Variants in CIZ1 observed in about 807,000 individuals in gnomAD.
CIZ1 encodes cip1-interacting zinc finger protein.
Under a neutral mutation model 118.6 loss-of-function variants are expected in CIZ1, and 58 were observed. The observed-to-expected ratio is 0.49, with a 90% CI of 0.40 to 0.61. The LOEUF is 0.61. Ranked by LOEUF, CIZ1 falls within the 20% of genes least tolerant of loss-of-function variation. The pLI is 0.00. For synonymous variants in CIZ1, 448 were observed against 443.4 expected (o/e 1.01, Z -0.13); for missense variants, 921 against 1,115.9 (o/e 0.83, Z 2.49).
At position 128,179,858 on chromosome 9, in the gene CIZ1, G is replaced by C. The variant is rs10987910; in HGVS notation, c.792-443C>G. ...CAGCTAATTTTGTACTTTTAGTAGA[G>C]ACGGGGTTTCTCCATGTTGGTCAGG... is the stretch of plus-strand genomic sequence containing the variant. On this transcript the variant is annotated intron_variant, in intron 7 of 16. Coordinates refer to ENST00000372938, the MANE Select transcript of CIZ1 (RefSeq NM_001131016.2). 2.1e-3 allele frequency among the ~76,000 whole-genome samples: 325 copies of C among 151,958 alleles called. 8 individuals are homozygous for C. The East Asian group carries it at 0.04, about 19-fold the overall frequency.
chr9:128,181,805 G>T (rs1831681304), intron 5 of CIZ1, among the ~76,000 whole-genome samples: 1 of 150,142 alleles, frequency 6.7e-6, no homozygotes, highest in Non-Finnish European at 1.5e-5. Context: ...AGGGAGTTTA[G>T]AGAAGACTCT....
chr9:128,166,798 G>A lies in CIZ1; in HGVS notation c.2448C>T (p.Leu816=). 6.2e-7 allele frequency: 1 copy of A among 1,614,190 alleles called. No individual in the cohort carries two copies. The highest frequency in any genetic ancestry group is 8.5e-7 in the Non-Finnish European group (1 of 1,180,006). Residue 816 remains leucine (L), a synonymous_variant, in exon 16 of 17, where the codon CTC becomes CTT. Coordinates refer to ENST00000372938, the MANE Select transcript of CIZ1 (RefSeq NM_001131016.2). This position sits in a 1 kb window ranked among gnomAD's most constrained non-coding sequence, Gnocchi z 4.4. Reference sequence around the variant, plus strand: ...AGTGGCCCAGGGACTTGCAGTGGGAGAGCTGTGCCCCTGAGTTGCTGTGAT... The same window carrying A: ...AGTGGCCCAGGGACTTGCAGTGGGAAAGCTGTGCCCCTGAGTTGCTGTGAT... ...KFYHSNSGAQ[L]SHCKSLGHFE...
intron 2 of CIZ1, 99 bp from the exon 3 acceptor site, chr9:128,190,543 A>T: frequency 1.5e-6 from 2 of 1,338,658 alleles, no homozygotes; most frequent in Non-Finnish European, 1.0e-6. Flanking sequence ...ACTCTGTGGT[A>T]GACAGAGGAC....
At chr9:128,188,770 T>TAA (rs1832760653) in intron 3 of CIZ1, among the ~76,000 whole-genome samples, 1 of 151,772 alleles carries the variant, frequency 6.6e-6, no homozygotes, top group Non-Finnish European at 1.5e-5. Flanking sequence ...GTAGCTGGGA[T>TAA]TACAGGCGCA....
At chr9:128,171,913 A>G (rs866106742) in intron 11 of CIZ1, among the ~76,000 whole-genome samples, 1 of 152,014 alleles carries the variant, frequency 6.6e-6, no homozygotes, top group South Asian at 2.1e-4. Flanking sequence ...GTTGAAAGAT[A>G]TAAGAAAATT....
chr9:128,167,228 G>A (rs1286312471), intron 14 of CIZ1, 64 bp from the exon 15 acceptor site: 8 of 1,303,262 alleles, frequency 6.1e-6, no homozygotes, highest in African/African-American at 4.4e-5. Context: ...GACACAGGTC[G>A]GGGGCCTAGA....
At chr9:128,199,347 C>T (rs369825268) in intron 1 of CIZ1, among the ~76,000 whole-genome samples, 8 of 151,186 alleles carry the variant, frequency 5.3e-5, no homozygotes, top group African/African-American at 1.7e-4. Context: ...CAGCTTGGAG[C>T]TGGAACAAGA....
At chr9:128,173,135 CTTTTTTTTTTT>C (rs957423189) in intron 11 of CIZ1, among the ~76,000 whole-genome samples, 1 of 80,790 alleles carries the variant, frequency 1.2e-5, no homozygotes, top group Non-Finnish European at 2.4e-5. Context: ...TGGCTAATTT[CTTTTTTTTTTT>C]TTTTTTTTTT....
chr9:128,176,044 T>G (rs918438945), intron 11 of CIZ1, among the ~76,000 whole-genome samples: 4 of 152,206 alleles, frequency 2.6e-5, no homozygotes, highest in Admixed American at 6.5e-5. Context: ...ACAGCGGGGT[T>G]AGCACACATG....
intron 3 of CIZ1, among the ~76,000 whole-genome samples, chr9:128,189,580 G>A (rs1832868430): frequency 1.3e-5 from 2 of 152,094 alleles, no homozygotes; most frequent in Admixed American, 6.5e-5. Flanking sequence ...AGCAATTTGG[G>A]AGGCCAAGGC....
chr9:128,177,546 C>A lies in CIZ1; in HGVS notation c.1818+20G>T. On this transcript the variant is annotated intron_variant, in intron 10 of 16. Transcript: ENST00000372938. ...CACGCAGGCCCCACCCCTCCCCACC[C>A]TTATCTCCTGTATCAGTACCTGCTG... 3.0e-6 allele frequency: 4 copies of A among 1,353,436 alleles called. No homozygotes were observed. In the South Asian group the frequency reaches 4.8e-5, roughly 16 times the overall value. 83.8% of individuals were successfully genotyped at this position (1,353,436 alleles called of 1,614,324 possible).
At position 128,203,267 on chromosome 9, in the gene CIZ1, G is replaced by A. The variant is rs1404005524; in HGVS notation, c.-6+919C>T. Reference sequence around the variant, plus strand: ...AAAACTACGACACCCATGATGCCCCGGACGGCGCCTGCGCACGGCGGCCGG... The same window carrying A: ...AAAACTACGACACCCATGATGCCCCAGACGGCGCCTGCGCACGGCGGCCGG... On this transcript the variant is annotated intron_variant, in intron 1 of 17. Coordinates refer to the CIZ1 transcript ENST00000372948. This position sits in a 1 kb window ranked among gnomAD's most constrained non-coding sequence, Gnocchi z 5.3. 2.2e-5 allele frequency: 5 copies of A among 232,496 alleles called. No individual in the cohort carries two copies. The highest frequency in any genetic ancestry group is 3.9e-5 in the Non-Finnish European group (5 of 128,216). 14.4% of individuals were successfully genotyped at this position (232,496 alleles called of 1,614,324 possible).
rs528970065 is a variant in CIZ1, at chr9:128,178,988, C to T, written c.1219G>A (p.Val407Met). ...AEPLKQVQPQ[V>M]QPQAHSQPPR... ...GGCTGTGAATGTGCCTGGGGCTGCACCTGTGGCTGCACCTGCTTCAGCGGC... is the reference window on the plus strand; with the variant it reads ...GGCTGTGAATGTGCCTGGGGCTGCATCTGTGGCTGCACCTGCTTCAGCGGC... The change falls in exon 8 of 17, where the codon GTG (valine) becomes ATG (methionine). Residue 407 changes from valine (V) to methionine (M), a missense_variant. Physicochemically the swap from Val to Met is conservative, Grantham distance 21. Transcript: ENST00000372938. 3 of 1,612,996 alleles carry T rather than the reference C, an allele frequency of 1.9e-6. No homozygotes were observed. The South Asian group carries it at 3.3e-5, about 18-fold the overall frequency.
At chr9:128,189,824 C>CAAAAAAAA (rs56177059) in intron 3 of CIZ1, among the ~76,000 whole-genome samples, 6 of 42,272 alleles carry the variant, frequency 1.4e-4, no homozygotes, top group Admixed American at 4.1e-4. Flanking sequence ...AACTCTGTCT[C>CAAAAAAAA]AAAAAAAAAA....
At chr9:128,188,118 A>G (rs1287893553) in intron 3 of CIZ1, among the ~76,000 whole-genome samples, 184 bp from the exon 4 acceptor site, 3 of 3,308 alleles carry the variant, frequency 9.1e-4, no homozygotes, top group African/African-American at 9.5e-4. Context: ...AGAAAAAAGC[A>G]AAAAAAAAAA....
intron 3 of CIZ1, among the ~76,000 whole-genome samples, chr9:128,188,853 C>T (rs545429399): frequency 2.6e-5 from 4 of 151,518 alleles, no homozygotes; most frequent in Non-Finnish European, 2.9e-5. Flanking sequence ...GGCTGGAGTA[C>T]GGTGGCGCGA....
At chr9:128,199,658 T>C (rs766756364) in intron 1 of CIZ1, among the ~76,000 whole-genome samples, 10 of 152,074 alleles carry the variant, frequency 6.6e-5, no homozygotes, top group Non-Finnish European at 1.2e-4. Flanking sequence ...GGAGCTGCGA[T>C]TGTGCTACTG....
intron 5 of CIZ1, among the ~76,000 whole-genome samples, chr9:128,184,755 C>T (rs1832134151): frequency 6.6e-6 from 1 of 152,064 alleles, no homozygotes; most frequent in Non-Finnish European, 1.5e-5. Context: ...GCAAGCTCTG[C>T]CTCCTGGGTT....
chr9:128,197,055 G>GC (rs1833393989), intron 1 of CIZ1: 1 of 152,114 alleles, frequency 6.6e-6, no homozygotes, highest in Non-Finnish European at 1.5e-5. Context: ...CTTGTAACCT[G>GC]CCACCTCCCC....
Sources: allele counts gnomAD v4.1 joint callset (sites outside exome capture counted in the v4.1 genomes callset), GRCh38; gene constraint gnomAD v4.1.1; non-coding constraint Gnocchi (gnomAD v3.1); transcripts MANE v1.5; gene names NCBI Gene and HGNC (gene_info 2026-07-23, HGNC 2026-07-21).